Variants in ARPP21 observed in about 807,000 individuals in gnomAD.
ARPP21 encodes the protein cAMP regulated phosphoprotein 21.
In ARPP21, 69 loss-of-function variants were observed where a neutral mutation model predicts 113.2. The observed-to-expected ratio is 0.61, with a 90% CI of 0.50 to 0.74. The LOEUF is 0.74. Among genes scored for constraint, ARPP21 ranks in the 30% least tolerant of loss-of-function variants. The pLI, the probability that ARPP21 is intolerant of heterozygous loss-of-function variation, is 0.00. For synonymous variants in ARPP21, 368 were observed against 375.5 expected, an observed-to-expected ratio of 0.98 and a Z score of 0.23; for missense variants, 1,070 against 1,037.4, an observed-to-expected ratio of 1.03 and a Z score of -0.43.
intron 1 of ARPP21, among the ~76,000 whole-genome samples, chr3:35,667,916 G>GGAA (rs2074981719): frequency 7.3e-6 from 1 of 136,212 alleles, no homozygotes; most frequent in African/African-American, 2.9e-5. Context: ...AGAGGAAGGA[G>GGAA]GAGGAGGAGG....
chr3:35,664,838 C>T (rs966906304), intron 1 of ARPP21, among the ~76,000 whole-genome samples: 3 of 152,154 alleles, frequency 2.0e-5, no homozygotes, highest in East Asian at 3.9e-4. Flanking sequence ...GCTCTGTTCT[C>T]TGAGCTGGAA....
In ARPP21 at chr3:35,738,266, C is replaced by T. The variant is rs1219879254; in HGVS notation, c.1697C>T (p.Ser566Phe). Residue 566 changes from serine (S) to phenylalanine (F), a missense_variant, in exon 17 of 21, where the codon TCT becomes TTT. Ser to Phe is a radical substitution (Grantham distance 155). Coordinates refer to ENST00000684406, the MANE Select transcript of ARPP21 (RefSeq NM_001385562.1). ...CAGTCAGTGCAATATCCAGCAGTCT[C>T]TTTTCCTCCCCAGCACCTCCTACCT... ...SSQSVQYPAV[S>F]FPPQHLLPVS... 6.5e-7 allele frequency: 1 copy of T among 1,536,220 alleles called. No homozygotes were observed. Among genetic ancestry groups the T allele is most frequent in the East Asian group, 2.4e-5 (1 of 40,890 alleles).
At chr3:35,664,549 C>T (rs1246025805) in intron 1 of ARPP21, among the ~76,000 whole-genome samples, 1 of 152,208 alleles carries the variant, frequency 6.6e-6, no homozygotes, top group Non-Finnish European at 1.5e-5. Context: ...ACGATGACGT[C>T]CCATTCCTGT....
chr3:35,766,397 A>T (rs905869717), intron 19 of ARPP21, among the ~76,000 whole-genome samples: 5 of 152,174 alleles, frequency 3.3e-5, no homozygotes, highest in African/African-American at 1.2e-4. Context: ...AAAACAAAAA[A>T]GAAGAAGAAG....
chr3:35,747,374 AAAAAG>A (rs1315361089), intron 19 of ARPP21, among the ~76,000 whole-genome samples: 2 of 151,810 alleles, frequency 1.3e-5, no homozygotes, highest in African/African-American at 4.8e-5. Flanking sequence ...AAAAAAAAAA[AAAAAG>A]AACACTAATG....
chr3:35,718,345 A>C (rs1208718756), intron 13 of ARPP21, among the ~76,000 whole-genome samples: 1 of 152,176 alleles, frequency 6.6e-6, no homozygotes, highest in East Asian at 1.9e-4. Context: ...ATCATTAGAC[A>C]ATTAATTTTC....
At chr3:35,682,764 TTCTC>T (rs1414790566) in intron 3 of ARPP21, 80 bp from the exon 4 acceptor site, 10 of 1,195,450 alleles carry the variant, frequency 8.4e-6, no homozygotes, top group Admixed American at 2.5e-5. Flanking sequence ...CTCTCTTTCT[TTCTC>T]TCTCTCTCTC....
intron 19 of ARPP21, among the ~76,000 whole-genome samples, chr3:35,776,191 T>C (rs1265617194): frequency 6.6e-6 from 1 of 152,202 alleles, no homozygotes; most frequent in Non-Finnish European, 1.5e-5. Flanking sequence ...TTTTAAAGAA[T>C]ATTAGAATAT....
At chr3:35,699,159 T>A (rs2085265646) in intron 9 of ARPP21, among the ~76,000 whole-genome samples, 1 of 151,600 alleles carries the variant, frequency 6.6e-6, no homozygotes, top group Non-Finnish European at 1.5e-5. Flanking sequence ...ACATACTACG[T>A]ATCATACAGT....
At chr3:35,704,243 G>A (rs1228259911) in intron 9 of ARPP21, among the ~76,000 whole-genome samples, 2 of 151,692 alleles carry the variant, frequency 1.3e-5, no homozygotes, top group Admixed American at 1.3e-4. Context: ...TGCATAATTT[G>A]TATTGGGAAA....
intron 11 of ARPP21, 121 bp downstream of exon 11, chr3:35,709,191 C>CT: frequency 1.5e-6 from 1 of 676,482 alleles, no homozygotes; most frequent in South Asian, 2.0e-5. Context: ...ACAAATCAAA[C>CT]TGAAGAAAAC....
In ARPP21 at chr3:35,653,513, G is replaced by C. The variant is rs1703395364; in HGVS notation, c.-213+13115G>C. On this transcript the variant is annotated intron_variant, in intron 1 of 20. Transcript: ENST00000684406. ...CATGCTTCACAGATCTATACTTGTG[G>C]TTGCCGTTTATGGCACGAATGATGC... Among the ~76,000 whole-genome samples the C allele has an allele frequency of 2.0e-5, 3 of 151,962 alleles. No individual in the cohort carries two copies. The South Asian group carries it at 6.2e-4, about 31-fold the overall frequency.
intron 14 of ARPP21, among the ~76,000 whole-genome samples, chr3:35,724,883 C>A (rs551946276): frequency 6.6e-6 from 1 of 152,228 alleles, no homozygotes; most frequent in Admixed American, 6.5e-5. Flanking sequence ...ACACTGACCC[C>A]CTGAATCTGG....
chr3:35,646,754 A>G (rs966536308), intron 1 of ARPP21, among the ~76,000 whole-genome samples: 1 of 151,912 alleles, frequency 6.6e-6, no homozygotes, highest in Non-Finnish European at 1.5e-5. Context: ...AGGAATGATC[A>G]AGCTAACACT....
At chr3:35,698,735 G>A (rs2149796180) in intron 9 of ARPP21, among the ~76,000 whole-genome samples, 1 of 151,676 alleles carries the variant, frequency 6.6e-6, no homozygotes, top group South Asian at 2.1e-4. Context: ...AGTAAACCAA[G>A]CACTGTTCTT....
At chr3:35,743,369 A>G (rs899090451) in intron 18 of ARPP21, among the ~76,000 whole-genome samples, 1 of 152,346 alleles carries the variant, frequency 6.6e-6, no homozygotes, top group South Asian at 2.1e-4. Flanking sequence ...AGCAGGATTT[A>G]TCACAGATGG....
At chr3:35,705,935 A>G (rs2088816273) in intron 9 of ARPP21, among the ~76,000 whole-genome samples, 1 of 152,152 alleles carries the variant, frequency 6.6e-6, no homozygotes, top group Non-Finnish European at 1.5e-5. Flanking sequence ...TTTATTTTCA[A>G]AGTGCTATTT....
At chr3:35,704,185 T>C (rs1487275666) in intron 9 of ARPP21, among the ~76,000 whole-genome samples, 1 of 151,826 alleles carries the variant, frequency 6.6e-6, no homozygotes, top group Non-Finnish European at 1.5e-5. Flanking sequence ...ATTCCAATAT[T>C]TGAGAAAAAC....
At chr3:35,778,087 A>T (rs1229467748) in intron 19 of ARPP21, among the ~76,000 whole-genome samples, 1 of 152,228 alleles carries the variant, frequency 6.6e-6, no homozygotes, top group Non-Finnish European at 1.5e-5. Flanking sequence ...AGGGGAAAAA[A>T]GTCTCTAAAA....
Sources: gnomAD v4.1 joint callset for allele counts (sites outside exome capture counted in the v4.1 genomes callset) on GRCh38, gnomAD v4.1.1 for gene constraint, MANE v1.5 for transcripts, NCBI Gene and HGNC (gene_info 2026-07-23, HGNC 2026-07-21) for gene names.